TMEM177: variants seen among roughly 807,000 people sequenced by gnomAD.
The protein encoded by TMEM177 is transmembrane protein 177.
In TMEM177, 4 loss-of-function variants were observed where a neutral mutation model predicts 14.2. The ratio of observed to expected loss-of-function variants is 0.28; its 90% CI spans 0.14 to 0.64. TMEM177 has a LOEUF of 0.64. Ranked by LOEUF, TMEM177 falls within the 30% of genes least tolerant of loss-of-function variation. The pLI, the probability that TMEM177 is intolerant of heterozygous loss-of-function variation, is 0.82. For missense variants in TMEM177, 344 were observed against 405.2 expected, an observed-to-expected ratio of 0.85 and a Z score of 1.30; for synonymous variants, 179 against 174.5, an observed-to-expected ratio of 1.03 and a Z score of -0.20.
At chr2:119,685,767 A>G, downstream of TMEM177, 1 of 717,542 alleles carries the variant, frequency 1.4e-6, no homozygotes, top group Admixed American at 2.0e-5. Context: ...ATCGTTCTTA[A>G]AACACTAAAT....
At chr2:119,694,209 CA>C in the TMEM177 span, among the ~76,000 whole-genome samples, 2 of 151,362 alleles carry the variant, frequency 1.3e-5, no homozygotes, top group African/African-American at 4.9e-5. Flanking sequence ...CATGCACACA[CA>C]ACACAAACAC....
the TMEM177 span, among the ~76,000 whole-genome samples, chr2:119,714,702 C>G: frequency 6.6e-6 from 1 of 152,228 alleles, no homozygotes; most frequent in Admixed American, 6.5e-5. Context: ...CAGGCTATGA[C>G]AGCAGCTGTG....
chr2:119,701,910 G>A, the TMEM177 span, among the ~76,000 whole-genome samples: 1 of 152,212 alleles, frequency 6.6e-6, no homozygotes, highest in Non-Finnish European at 1.5e-5. Flanking sequence ...CAGCAGAACA[G>A]GTTGAGTCAG....
chr2:119,713,567 T>C, the TMEM177 span, among the ~76,000 whole-genome samples: 1 of 152,216 alleles, frequency 6.6e-6, no homozygotes, highest in Non-Finnish European at 1.5e-5. Context: ...TGGCCTGGCA[T>C]GATGGCTCAA....
the TMEM177 span, among the ~76,000 whole-genome samples, chr2:119,706,463 C>A: frequency 6.6e-6 from 1 of 152,184 alleles, no homozygotes; most frequent in Admixed American, 6.6e-5. Flanking sequence ...CATCTGTCAG[C>A]ATATATTTCC....
chr2:119,706,141 A>G, the TMEM177 span, among the ~76,000 whole-genome samples: 2 of 151,870 alleles, frequency 1.3e-5, no homozygotes, highest in African/African-American at 4.8e-5. Flanking sequence ...CTCCTGTCTC[A>G]GACTCCCAAG....
chr2:119,721,743 G>A, the TMEM177 span, among the ~76,000 whole-genome samples: 11 of 152,286 alleles, frequency 7.2e-5, no homozygotes, highest in Admixed American at 6.5e-4. Context: ...AGTCAGCCTC[G>A]TCCAGAGTCA....
the TMEM177 span, among the ~76,000 whole-genome samples, chr2:119,710,199 C>T: frequency 6.6e-6 from 1 of 152,222 alleles, no homozygotes; most frequent in African/African-American, 2.4e-5. Flanking sequence ...CTCAGCTCTG[C>T]TAGACCCAAC....
chr2:119,718,123 T>C, the TMEM177 span, among the ~76,000 whole-genome samples: 11 of 152,282 alleles, frequency 7.2e-5, no homozygotes, highest in East Asian at 1.5e-3. Flanking sequence ...TTATCTTAAA[T>C]CAGAGCAAAA....
chr2:119,680,044 C>A (rs928301794), intron 1 of TMEM177, among the ~76,000 whole-genome samples: 1 of 152,172 alleles, frequency 6.6e-6, no homozygotes, highest in Admixed American at 6.5e-5. Context: ...GTAGCCTTTT[C>A]CCTGGATCCT....
the TMEM177 span, among the ~76,000 whole-genome samples, chr2:119,723,246 G>A: frequency 3.3e-5 from 5 of 152,200 alleles, no homozygotes; most frequent in South Asian, 2.1e-4. Flanking sequence ...TTCCCAGGCC[G>A]GTCTGAGTCG....
At chr2:119,696,173 G>A in the TMEM177 span, among the ~76,000 whole-genome samples, 53 of 152,188 alleles carry the variant, frequency 3.5e-4, no homozygotes, top group Non-Finnish European at 5.1e-4. Flanking sequence ...TAGGCAGCCT[G>A]AATGGGGACA....
At chr2:119,684,677 C>T (rs1227532737), downstream of TMEM177, among the ~76,000 whole-genome samples, 3 of 152,220 alleles carry the variant, frequency 2.0e-5, no homozygotes, top group African/African-American at 7.2e-5. Flanking sequence ...TGTATGCGGC[C>T]ATTCTGAATC....
the TMEM177 span, among the ~76,000 whole-genome samples, chr2:119,692,430 G>A: frequency 1.3e-5 from 2 of 152,246 alleles, no homozygotes; most frequent in East Asian, 3.8e-4. Context: ...GAGCCGTGAG[G>A]TGTAGCCCAG....
the TMEM177 span, among the ~76,000 whole-genome samples, chr2:119,703,594 A>G: frequency 1.3e-5 from 2 of 152,264 alleles, no homozygotes; most frequent in East Asian, 3.9e-4. Context: ...TATAATGTGG[A>G]TGTTTTTCTC....
intron 1 of TMEM177, chr2:119,679,700 C>T (rs997434540): frequency 4.6e-5 from 7 of 152,144 alleles, no homozygotes; most frequent in African/African-American, 1.4e-4. Context: ...GGGGATGTTT[C>T]AAAATAAACC....
At chr2:119,723,400 C>T in the TMEM177 span, among the ~76,000 whole-genome samples, 1 of 152,172 alleles carries the variant, frequency 6.6e-6, no homozygotes, top group East Asian at 1.9e-4. Context: ...TGAACGTCCT[C>T]CCAGCTTCCA....
At chr2:119,719,445 G>T in the TMEM177 span, among the ~76,000 whole-genome samples, 2 of 152,206 alleles carry the variant, frequency 1.3e-5, no homozygotes, top group African/African-American at 4.8e-5. Flanking sequence ...GAGTGTGATT[G>T]CTGTAAGCCA....
At chr2:119,683,769 C>T (rs1202529085), downstream of TMEM177, among the ~76,000 whole-genome samples, 2 of 152,062 alleles carry the variant, frequency 1.3e-5, no homozygotes, top group Admixed American at 6.5e-5. Flanking sequence ...TATGTGTGTG[C>T]GTGTGTGTGC....
Sources: allele counts gnomAD v4.1 joint callset (sites outside exome capture counted in the v4.1 genomes callset), GRCh38; gene constraint gnomAD v4.1.1; transcripts MANE v1.5; gene names NCBI Gene and HGNC (gene_info 2026-07-23, HGNC 2026-07-21).